Variants in SLC30A8 observed in about 807,000 individuals in gnomAD.
The protein encoded by SLC30A8 is proton-coupled zinc antiporter SLC30A8.
Under a neutral mutation model 36.9 loss-of-function variants are expected in SLC30A8, and 27 were observed. That is an observed-to-expected ratio of 0.73 (90% confidence interval 0.54 to 1.01). The LOEUF is 1.01. Ranked by LOEUF, SLC30A8 falls within the 50% of genes least tolerant of loss-of-function variation. The pLI is 0.00. For synonymous variants in SLC30A8, 164 were observed against 172.4 expected (o/e 0.95, Z 0.38); for missense variants, 439 against 452.0 (o/e 0.97, Z 0.26).
intron 2 of SLC30A8, among the ~76,000 whole-genome samples, chr8:117,097,913 TTTAAATAAATATATATA>T (rs1819513613): frequency 9.9e-6 from 1 of 100,970 alleles, no homozygotes; most frequent in African/African-American, 4.5e-5. Context: ...AATATATAAT[TTTAAATAAATATATATA>T]TTATATATAA....
Position 117,015,251 on chromosome 8 carries a change from C to T in SLC30A8, c.-265-23968C>T, listed in dbSNP as rs574378703. Among the ~76,000 whole-genome samples the T allele has an allele frequency of 3.8e-3, 576 of 152,166 alleles. 5 individuals are homozygous for T. The highest frequency in any genetic ancestry group is 4.5e-3 in the Non-Finnish European group (308 of 67,996). On this transcript the variant is annotated intron_variant, in intron 1 of 10. Coordinates refer to the SLC30A8 transcript ENST00000427715. ...CACATAGAGATTTAGGACAAAAAAC[C>T]ATGTATCATTATTCCAAGGAAAATA...
intron 1 of SLC30A8, among the ~76,000 whole-genome samples, chr8:117,031,100 G>C (rs557760608): frequency 2.6e-4 from 39 of 152,326 alleles, no homozygotes; most frequent in Middle Eastern, 3.4e-3. Flanking sequence ...AGAAGAGAAA[G>C]CTGAACTAGA....
At chr8:117,153,723 G>GGTGTGTGTGTGTGTGT (rs59464276) in intron 3 of SLC30A8, among the ~76,000 whole-genome samples, 10 of 147,006 alleles carry the variant, frequency 6.8e-5, no homozygotes, top group East Asian at 2.0e-4. Flanking sequence ...CATGATAAGG[G>GGTGTGTGTGTGTGTGT]GTGTGTGTGT....
intron 2 of SLC30A8, among the ~76,000 whole-genome samples, chr8:117,056,758 T>C (rs1420336710): frequency 6.6e-6 from 1 of 152,134 alleles, no homozygotes; most frequent in Non-Finnish European, 1.5e-5. Flanking sequence ...ATTTTATGCT[T>C]TCATGGTCTT....
intron 1 of SLC30A8, among the ~76,000 whole-genome samples, chr8:117,018,674 C>G (rs867254348): frequency 3.3e-5 from 4 of 119,630 alleles, no homozygotes; most frequent in Admixed American, 8.2e-5. Flanking sequence ...CCCCCCCCCC[C>G]CTTTTTTTTT....
chr8:117,041,171 A>G (rs963290247), intron 2 of SLC30A8, among the ~76,000 whole-genome samples: 5 of 152,182 alleles, frequency 3.3e-5, no homozygotes, highest in East Asian at 1.9e-4. Flanking sequence ...CCAACACACA[A>G]TGAATCCACA....
chr8:117,163,942 A>C (rs1822925955), intron 6 of SLC30A8: 1 of 160,862 alleles, frequency 6.2e-6, no homozygotes, highest in Non-Finnish European at 1.3e-5. Context: ...TTTGTCCGGC[A>C]AGTGTTTATT....
At chr8:117,002,096 C>A (rs1217783806) in intron 1 of SLC30A8, among the ~76,000 whole-genome samples, 1 of 152,162 alleles carries the variant, frequency 6.6e-6, no homozygotes, top group African/African-American at 2.4e-5. Flanking sequence ...TGTCACTGTA[C>A]CACATTGGTT....
At chr8:117,161,636 C>T (rs1822793111) in intron 4 of SLC30A8, 102 bp from the exon 5 acceptor site, 19 of 1,054,938 alleles carry the variant, frequency 1.8e-5, no homozygotes, top group Admixed American at 4.9e-5. Context: ...TTCAACTATC[C>T]ATCATTTTGG....
intron 2 of SLC30A8, among the ~76,000 whole-genome samples, chr8:117,102,055 G>A (rs1207477251): frequency 6.6e-6 from 1 of 152,042 alleles, no homozygotes; most frequent in African/African-American, 2.4e-5. Flanking sequence ...TGTTGAGCTG[G>A]GGGATTTCAT....
chr8:117,140,040 A>AT (rs1193904485), intron 1 of SLC30A8, among the ~76,000 whole-genome samples: 5 of 152,066 alleles, frequency 3.3e-5, no homozygotes, highest in African/African-American at 1.2e-4. Flanking sequence ...GTTAGAAATT[A>AT]TTTTTTAAAA....
intron 1 of SLC30A8, among the ~76,000 whole-genome samples, chr8:117,027,148 G>A (rs941465719): frequency 6.6e-6 from 1 of 152,096 alleles, no homozygotes; most frequent in Admixed American, 6.6e-5. Context: ...TTTCTGGCTG[G>A]GCCATCATCC....
chr8:117,111,598 T>C, intron 2 of SLC30A8, among the ~76,000 whole-genome samples: 1 of 152,120 alleles, frequency 6.6e-6, no homozygotes, highest in Non-Finnish European at 1.5e-5. Flanking sequence ...TGGACTAAAC[T>C]AATTAGAGTG....
At chr8:117,130,271 T>C (rs1821074715), upstream of SLC30A8, 1 of 152,010 alleles carries the variant, frequency 6.6e-6, no homozygotes, top group Admixed American at 6.6e-5. Flanking sequence ...CTGAGGAAGC[T>C]TTGTCTTGTC....
At chr8:117,097,428 A>AAAT (rs1563593887) in intron 2 of SLC30A8, among the ~76,000 whole-genome samples, 7 of 117,182 alleles carry the variant, frequency 6.0e-5, no homozygotes, top group African/African-American at 2.5e-4. Context: ...AATATATATA[A>AAAT]ATATATATAA....
chr8:117,130,861 G>T (rs1821106059), upstream of SLC30A8, among the ~76,000 whole-genome samples: 1 of 151,878 alleles, frequency 6.6e-6, no homozygotes, highest in South Asian at 2.1e-4. Context: ...AAGAATTGAA[G>T]AAATATACAC....
At chr8:117,085,454 T>A (rs1197115063) in intron 2 of SLC30A8, among the ~76,000 whole-genome samples, 1 of 152,194 alleles carries the variant, frequency 6.6e-6, no homozygotes, top group Non-Finnish European at 1.5e-5. Flanking sequence ...GAATTCCAAG[T>A]TGTTTCCAAA....
At chr8:117,160,403 T>TTGTGTGTG (rs71569723) in intron 4 of SLC30A8, among the ~76,000 whole-genome samples, 5,144 of 145,862 alleles carry the variant, frequency 0.035, 118 homozygotes, top group Non-Finnish European at 0.053. Context: ...AATTTTCCAC[T>TTGTGTGTG]TGTGTGTGTG....
chr8:117,108,132 T>C (rs1820074092), intron 2 of SLC30A8, among the ~76,000 whole-genome samples: 1 of 152,108 alleles, frequency 6.6e-6, no homozygotes, highest in South Asian at 2.1e-4. Context: ...CTACTGGGAG[T>C]AATTAAAACA....
Sources: gnomAD v4.1 joint callset for allele counts (sites outside exome capture counted in the v4.1 genomes callset) on GRCh38, gnomAD v4.1.1 for gene constraint, MANE v1.5 for transcripts, NCBI Gene and HGNC (gene_info 2026-07-23, HGNC 2026-07-21) for gene names.